NEK9: variants seen among roughly 807,000 people sequenced by gnomAD.
NEK9 encodes the protein serine/threonine-protein kinase Nek9.
NEK9 carries 75 observed loss-of-function variants against 123.4 expected under a neutral mutation model. The ratio of observed to expected loss-of-function variants is 0.61; its 90% CI spans 0.50 to 0.74. The LOEUF (loss-of-function observed/expected upper bound fraction) is 0.74. Ranked by LOEUF, NEK9 falls within the 30% of genes least tolerant of loss-of-function variation. NEK9 has a pLI of 0.00. For missense variants in NEK9, 952 were observed against 1,214.4 expected, an observed-to-expected ratio of 0.78 and a Z score of 3.21; for synonymous variants, 438 against 458.7, an observed-to-expected ratio of 0.95 and a Z score of 0.58.
chr14:75,086,792 G>C, intron 21 of NEK9: 2 of 465,864 alleles, frequency 4.3e-6, no homozygotes, highest in South Asian at 4.2e-5. Flanking sequence ...TGTAGTCCCA[G>C]CTACTCGGGA....
Position 75,082,742 on chromosome 14 carries a change from A to G in NEK9, c.*1822T>C, listed in dbSNP as rs1893902857. On this transcript the variant is annotated 3_prime_UTR_variant, in exon 22 of 22. Transcript: ENST00000238616. The stretch of plus-strand genomic sequence containing the variant: ...GACCCAGCCTCTCAGGCCTGCTGAG[A>G]TGATGAGCATGAGGATACAGGGACA... The G allele has an allele frequency of 2.7e-6, 1 of 370,878 alleles. No homozygotes were observed. Among genetic ancestry groups the G allele is most frequent in the African/African-American group, 2.1e-5 (1 of 48,106 alleles). The allele number at this position is 370,878 out of a possible 1,614,324, so 23.0% of individuals were successfully genotyped here. A position where few individuals can be genotyped will look rare whatever the true frequency, so the allele number is the denominator to read the frequency against.
intron 10 of NEK9, among the ~76,000 whole-genome samples, chr14:75,108,353 T>C (rs1392793876): frequency 6.6e-6 from 1 of 151,984 alleles, no homozygotes; most frequent in Non-Finnish European, 1.5e-5. Flanking sequence ...CTCGAACTCC[T>C]GACCTCAGGT....
At chr14:75,084,950 G>T in intron 21 of NEK9, 1 of 356,956 alleles carries the variant, frequency 2.8e-6, no homozygotes, top group East Asian at 5.5e-5. Context: ...GTTTTAAAAT[G>T]GAAAAAGTCC....
chr14:75,104,460 C>T (rs1251642309), intron 13 of NEK9, among the ~76,000 whole-genome samples: 1 of 145,432 alleles, frequency 6.9e-6, no homozygotes, highest in African/African-American at 2.5e-5. Flanking sequence ...GCCATCACGC[C>T]TGGCTGAGAC....
rs534666402 is a variant in NEK9 at position 75,083,905 on chromosome 14, C to T, written c.*659G>A. On this transcript the variant is annotated 3_prime_UTR_variant, in exon 22 of 22. Coordinates refer to ENST00000238616, the MANE Select transcript of NEK9 (RefSeq NM_033116.6). ...AGGAGGGTCCTGCCCTTTCTCTATT[C>T]CTCACTGAAGAAATTTCAATCAACC... The T allele has an allele frequency of 7.6e-4, 116 of 152,658 alleles. No individual in the cohort carries two copies. In the Middle Eastern group the frequency reaches 0.01, roughly 13 times the overall value. The allele number at this position is 152,658 out of a possible 1,614,324, so 9.5% of individuals were successfully genotyped here.
At chr14:75,120,142 TA>T (rs1895277714) in intron 4 of NEK9, among the ~76,000 whole-genome samples, 1 of 152,198 alleles carries the variant, frequency 6.6e-6, no homozygotes, top group African/African-American at 2.4e-5. Context: ...TTATTTAAAT[TA>T]AAAGATCTTA....
intron 13 of NEK9, among the ~76,000 whole-genome samples, chr14:75,104,845 A>G (rs1316883920): frequency 6.6e-6 from 1 of 152,252 alleles, no homozygotes; most frequent in Non-Finnish European, 1.5e-5. Flanking sequence ...TGACAGTTCC[A>G]GGTCAACTAA....
At chr14:75,123,981 C>T (rs1895428086) in intron 2 of NEK9, 65 bp downstream of exon 2, 3 of 1,310,638 alleles carry the variant, frequency 2.3e-6, no homozygotes, top group Middle Eastern at 1.9e-4. Flanking sequence ...TTATATTCTT[C>T]TCCTCAACGT....
At chr14:75,120,439 T>C (rs1895288031) in intron 4 of NEK9, 71 bp downstream of exon 4, 1 of 997,402 alleles carries the variant, frequency 1.0e-6, no homozygotes, top group Non-Finnish European at 1.6e-6. Context: ...AAAAGTGTTG[T>C]TGGGGGGGTA....
At chr14:75,126,681 G>T in intron 1 of NEK9, 22 bp downstream of exon 1, 1 of 1,394,548 alleles carries the variant, frequency 7.2e-7, no homozygotes, top group Non-Finnish European at 9.3e-7. Flanking sequence ...CAGACAGGGC[G>T]GCCGGCGCCG....
intron 16 of NEK9, among the ~76,000 whole-genome samples, chr14:75,100,275 G>A (rs559458667): frequency 4.0e-5 from 6 of 150,138 alleles, no homozygotes; most frequent in East Asian, 2.0e-4. Flanking sequence ...AAGAAACCCC[G>A]TCTCTACTAA....
At position 75,101,067 on chromosome 14, in the gene NEK9, A is replaced by G. The variant is rs139686664; in HGVS notation, c.1927T>C (p.Leu643=). ...TGCTTCCCACCAAGGGGTCCCCCCAACAGGTTGATTCCCAGACGCTTCTTG... is the reference window on the plus strand; with the variant it reads ...TGCTTCCCACCAAGGGGTCCCCCCAGCAGGTTGATTCCCAGACGCTTCTTG... ...NYKKRLGINL[L]GGPLGGKQVI... Residue 643 remains leucine (L), a synonymous_variant, in exon 16 of 22, where the codon TTG becomes CTG. Coordinates refer to ENST00000238616, the MANE Select transcript of NEK9 (RefSeq NM_033116.6). 2.3e-5 allele frequency: 37 copies of G among 1,614,140 alleles called. No homozygotes were observed. In the African/African-American group the frequency reaches 4.4e-4, roughly 19 times the overall value.
intron 2 of NEK9, among the ~76,000 whole-genome samples, chr14:75,121,433 A>C (rs2063701825): frequency 6.6e-6 from 1 of 152,264 alleles, no homozygotes. Flanking sequence ...AGATGTGAGT[A>C]AAGACCATTC....
chr14:75,104,586 G>A (rs140630803), intron 13 of NEK9, among the ~76,000 whole-genome samples: 5 of 151,882 alleles, frequency 3.3e-5, no homozygotes, highest in African/African-American at 9.7e-5. Flanking sequence ...GGTTCAAAGC[G>A]ATTCTCCTGC....
At chr14:75,122,339 C>T (rs539190675) in intron 2 of NEK9, among the ~76,000 whole-genome samples, 4 of 152,264 alleles carry the variant, frequency 2.6e-5, no homozygotes, top group African/African-American at 4.8e-5. Flanking sequence ...ACAAGGAAGT[C>T]GTAAGTGACG....
chr14:75,106,172 G>C (rs1894765620), intron 12 of NEK9, 176 bp from the exon 13 acceptor site: 1 of 626,084 alleles, frequency 1.6e-6, no homozygotes, highest in East Asian at 2.8e-5. Context: ...AGCCTGGCCA[G>C]TGTGGTGAAA....
chr14:75,117,377 T>C (rs1895177298), intron 5 of NEK9, 51 bp from the exon 6 acceptor site: 2 of 1,555,038 alleles, frequency 1.3e-6, no homozygotes, highest in Admixed American at 2.1e-5. Context: ...GAGGTAACTA[T>C]GTTAACATTT....
intron 4 of NEK9, 50 bp downstream of exon 4, chr14:75,120,460 G>A: frequency 7.5e-7 from 1 of 1,329,758 alleles, no homozygotes; most frequent in South Asian, 1.2e-5. Flanking sequence ...TCCACGGTAG[G>A]GGCTGAATTG....
intron 1 of NEK9, 30 bp downstream of exon 1, chr14:75,126,673 G>C: frequency 7.2e-7 from 1 of 1,386,718 alleles, no homozygotes. Flanking sequence ...GACAGCGCCA[G>C]ACAGGGCGGC....
Sources: allele counts gnomAD v4.1 joint callset (sites outside exome capture counted in the v4.1 genomes callset), GRCh38; gene constraint gnomAD v4.1.1; transcripts MANE v1.5; gene names NCBI Gene and HGNC (gene_info 2026-07-23, HGNC 2026-07-21).